Variants in TET1 observed in about 807,000 individuals in gnomAD.
TET1 encodes the protein methylcytosine dioxygenase TET1.
Under a neutral mutation model 148.7 loss-of-function variants are expected in TET1, and 13 were observed. The ratio of observed to expected loss-of-function variants is 0.09; its 90% CI spans 0.06 to 0.14. The LOEUF (loss-of-function observed/expected upper bound fraction) is 0.14, where lower values mean the gene tolerates loss of function less well. Among genes scored for constraint, TET1 ranks in the 10% least tolerant of loss-of-function variants. The pLI is 1.00. For missense variants in TET1, 2,182 were observed against 2,553.8 expected (o/e 0.85, Z 3.14); for synonymous variants, 907 against 937.2 (o/e 0.97, Z 0.59).
chr10:68,653,692 T>C (rs1047547341), intron 6 of TET1, among the ~76,000 whole-genome samples: 2 of 152,250 alleles, frequency 1.3e-5, no homozygotes, highest in African/African-American at 4.8e-5. Context: ...ATTTCTCTTG[T>C]GTATCCTCTA....
intron 2 of TET1, among the ~76,000 whole-genome samples, chr10:68,577,159 C>G (rs1418300101): frequency 1.3e-5 from 2 of 152,172 alleles, no homozygotes; most frequent in East Asian, 3.9e-4. Flanking sequence ...ATCCACCCGC[C>G]TTGGCCTCCC....
At chr10:68,587,509 ACT>A (rs1420713736) in intron 2 of TET1, among the ~76,000 whole-genome samples, 1 of 150,154 alleles carries the variant, frequency 6.7e-6, no homozygotes, top group Non-Finnish European at 1.5e-5. Context: ...TTTTCTAGAG[ACT>A]CTGATACTGC....
At chr10:68,684,291 T>C (rs1449406310) in intron 10 of TET1, among the ~76,000 whole-genome samples, 1 of 152,082 alleles carries the variant, frequency 6.6e-6, no homozygotes, top group Non-Finnish European at 1.5e-5. Flanking sequence ...TGATTGAAAG[T>C]ATATGATCAG....
rs776369213 is a variant in TET1 at position 68,667,060 on chromosome 10, A to G, written c.4477A>G (p.Ser1493Gly). The part of the protein sequence containing the change: ...PIAKWVLRRS[S>G]DEEKVLCLVR... ...GTTTTTTCAGGTTTTAAGAAGAAGC[A>G]GTGATGAAGAAAAAGTTCTTTGTTT... The change falls in exon 7 of 12, where the codon AGT (serine) becomes GGT (glycine). Residue 1493 changes from serine to glycine, a missense_variant. Physicochemically the swap from Ser to Gly is moderately conservative, Grantham distance 56. Coordinates refer to ENST00000373644, the MANE Select transcript of TET1 (RefSeq NM_030625.3). 4 of 1,613,816 alleles carry G rather than the reference A, an allele frequency of 2.5e-6. No homozygotes were observed. In the South Asian group the frequency reaches 4.4e-5, roughly 18 times the overall value.
chr10:68,589,660 C>T (rs1472004106), intron 2 of TET1, among the ~76,000 whole-genome samples: 5 of 128,810 alleles, frequency 3.9e-5, no homozygotes, highest in African/African-American at 1.1e-4. Flanking sequence ...TTAATATCTC[C>T]AATTTTTTTT....
chr10:68,676,268 ATTTTTTTTTT>A (rs1217792442), intron 8 of TET1, among the ~76,000 whole-genome samples: 5 of 36,006 alleles, frequency 1.4e-4, no homozygotes, highest in East Asian at 8.2e-4. Context: ...ATATATATAT[ATTTTTTTTTT>A]TTTTTTTTTT....
intron 2 of TET1, among the ~76,000 whole-genome samples, chr10:68,593,583 A>G (rs995751123): frequency 6.6e-6 from 1 of 151,992 alleles, no homozygotes; most frequent in East Asian, 1.9e-4. Flanking sequence ...GACTACAGGC[A>G]TGCGCCACCA....
intron 2 of TET1, among the ~76,000 whole-genome samples, chr10:68,597,239 G>A (rs1051766465): frequency 6.6e-6 from 1 of 151,656 alleles, no homozygotes; most frequent in Non-Finnish European, 1.5e-5. Flanking sequence ...TCATCATATT[G>A]GCCAGGCTGG....
chr10:68,624,242 G>A (rs917673303), intron 3 of TET1, among the ~76,000 whole-genome samples: 10 of 148,786 alleles, frequency 6.7e-5, no homozygotes, highest in African/African-American at 1.7e-4. Flanking sequence ...GATTACAGGC[G>A]CGTGCCACCA....
At position 68,641,659 on chromosome 10, in the gene TET1, C is replaced by T. The variant is rs541402755; in HGVS notation, c.1969-3039C>T. ...GACTACAGGCGTACGCCACCCTGCCCGGCTAATTTTTTTTTTGTATTTTGG... is the reference window on the plus strand; with the variant it reads ...GACTACAGGCGTACGCCACCCTGCCTGGCTAATTTTTTTTTTGTATTTTGG... On this transcript the variant is annotated intron_variant, in intron 3 of 11. Transcript: ENST00000373644. Among the ~76,000 whole-genome samples, 277 of 47,504 alleles carry T rather than the reference C, an allele frequency of 5.8e-3. 2 individuals carry two copies. The highest frequency in any genetic ancestry group is 0.015 in the African/African-American group (266 of 17,302). The allele number at this position is 47,504 out of a possible 152,430, so 31.2% of individuals were successfully genotyped here.
intron 6 of TET1, among the ~76,000 whole-genome samples, chr10:68,666,820 A>G (rs1391852368): frequency 2.0e-5 from 3 of 152,196 alleles, no homozygotes; most frequent in South Asian, 2.1e-4. Flanking sequence ...ATGGAGGCAC[A>G]TGTCTGTAAT....
chr10:68,668,827 T>A (rs1207842322), intron 7 of TET1, among the ~76,000 whole-genome samples: 1 of 152,122 alleles, frequency 6.6e-6, no homozygotes, highest in Non-Finnish European at 1.5e-5. Context: ...AATATTTTTT[T>A]AAAAAAACTG....
chr10:68,632,201 A>G (rs2054583273), intron 3 of TET1, among the ~76,000 whole-genome samples: 1 of 152,020 alleles, frequency 6.6e-6, no homozygotes, highest in South Asian at 2.1e-4. Context: ...GGGCGCCTGT[A>G]GTCCTAGCTA....
intron 3 of TET1, among the ~76,000 whole-genome samples, chr10:68,619,239 C>CT (rs2054336066): frequency 6.6e-6 from 1 of 151,982 alleles, no homozygotes; most frequent in Non-Finnish European, 1.5e-5. Context: ...TTCCGTTATT[C>CT]TCTTTTTTTG....
rs78678502 is a variant in TET1 at position 68,659,860 on chromosome 10, C to T, written c.4462-7185C>T. ...CCAGATCAAGACATTACCAAAACTT[C>T]AGAACCCCGTTGTGTGAACTCAGTC... On this transcript the variant is annotated intron_variant, in intron 6 of 11. Transcript: ENST00000373644. Among the ~76,000 whole-genome samples the T allele has an allele frequency of 4.0e-3, 607 of 152,296 alleles. 6 individuals are homozygous for T. Among genetic ancestry groups the T allele is most frequent in the African/African-American group, 0.014 (578 of 41,574 alleles).
rs920750412 is a variant in TET1 at position 68,694,096 on chromosome 10, T to C, written c.*2282T>C. 8.6e-6 allele frequency: 2 copies of C among 232,264 alleles called. No individual in the cohort carries two copies. Among genetic ancestry groups the C allele is most frequent in the East Asian group, 6.1e-5 (1 of 16,384 alleles). The allele number at this position is 232,264 out of a possible 1,614,324, so 14.4% of individuals were successfully genotyped here. A position where few individuals can be genotyped will look rare whatever the true frequency, so the allele number is the denominator to read the frequency against. On this transcript the variant is annotated 3_prime_UTR_variant, in exon 12 of 12. Transcript: ENST00000373644. The stretch of plus-strand genomic sequence containing the variant: ...TAATTCAAATTGATCTCTCTCTCAA[T>C]AGGTTTCTTAACAATCTAAACTTGA...
chr10:68,624,660 C>CCT lies in TET1; in HGVS notation c.1969-20038_1969-20037insCT, dbSNP rs2054440434. 4.0e-5 allele frequency among the ~76,000 whole-genome samples: 3 copies of CCT among 74,458 alleles called. 1 individual carries two copies. Among genetic ancestry groups the CCT allele is most frequent in the African/African-American group, 1.6e-4 (3 of 18,944 alleles). 48.8% of individuals were successfully genotyped at this position (74,458 alleles called of 152,430 possible). On this transcript the variant is annotated intron_variant, in intron 3 of 11. Transcript: ENST00000373644. ...TCTTTCTTTCTTTCTTTCTTTCTTT[C>CCT]TCTCTCTCTCTCTCTCTCTCTCTCT...
chr10:68,606,335 C>G (rs1041459724), intron 3 of TET1, among the ~76,000 whole-genome samples: 3 of 152,154 alleles, frequency 2.0e-5, no homozygotes, highest in Non-Finnish European at 4.4e-5. Flanking sequence ...CCTCTGCACT[C>G]CAGCCTGGGC....
intron 3 of TET1, among the ~76,000 whole-genome samples, chr10:68,610,006 G>A (rs1052558430): frequency 1.1e-4 from 16 of 152,154 alleles, no homozygotes; most frequent in African/African-American, 3.6e-4. Flanking sequence ...AAATAAGGCA[G>A]GGCACGGTGG....
Sources: allele counts gnomAD v4.1 joint callset (sites outside exome capture counted in the v4.1 genomes callset), GRCh38; gene constraint gnomAD v4.1.1; transcripts MANE v1.5; gene names NCBI Gene and HGNC (gene_info 2026-07-23, HGNC 2026-07-21).